The following GRHL2 variants were observed in gnomAD, a reference collection of about 807,000 sequenced individuals.
The protein encoded by GRHL2 is grainyhead-like protein 2 homolog.
GRHL2 carries 21 observed loss-of-function variants against 83.8 expected under a neutral mutation model. The ratio of observed to expected loss-of-function variants is 0.25; its 90% CI spans 0.18 to 0.36. The LOEUF (loss-of-function observed/expected upper bound fraction) is 0.36. Among genes scored for constraint, GRHL2 ranks in the 10% least tolerant of loss-of-function variants. The pLI is 1.00. For synonymous variants in GRHL2, 280 were observed against 278.9 expected (o/e 1.00, Z -0.04); for missense variants, 623 against 781.8 (o/e 0.80, Z 2.42).
intron 8 of GRHL2, among the ~76,000 whole-genome samples, chr8:101,610,759 GT>G (rs1182046930): frequency 6.6e-6 from 1 of 150,854 alleles, no homozygotes; most frequent in Non-Finnish European, 1.5e-5. Flanking sequence ...CTTGGCAGAT[GT>G]TTTTTTCTGT....
At chr8:101,648,684 C>T (rs1402110127) in intron 13 of GRHL2, among the ~76,000 whole-genome samples, 4 of 152,178 alleles carry the variant, frequency 2.6e-5, no homozygotes, top group Non-Finnish European at 5.9e-5. Context: ...CCCCTTGTCT[C>T]GGACAGTGCC....
At chr8:101,669,965 G>A (rs1433610977), downstream of GRHL2, among the ~76,000 whole-genome samples, 6 of 152,152 alleles carry the variant, frequency 3.9e-5, no homozygotes, top group African/African-American at 1.4e-4. Context: ...CCCCAGGGTG[G>A]TTATTCTTGG....
chr8:101,589,585 A>G lies in GRHL2; in HGVS notation c.1004-9472A>G, dbSNP rs1164529230. 2.0e-5 allele frequency among the ~76,000 whole-genome samples: 3 copies of G among 152,336 alleles called. No homozygotes were observed. The East Asian group carries it at 5.8e-4, about 29-fold the overall frequency. On this transcript the variant is annotated intron_variant, in intron 7 of 15. Transcript: ENST00000646743. The stretch of plus-strand genomic sequence containing the variant: ...ATACTCTGTGCTTATGGTCAGTACA[A>G]CTTGAAAGCTGTAACATTGTCTATA...
At chr8:101,556,176 C>T (rs760391061) in intron 3 of GRHL2, among the ~76,000 whole-genome samples, 62 of 152,234 alleles carry the variant, frequency 4.1e-4, no homozygotes, top group African/African-American at 1.3e-3. Flanking sequence ...AGGCTAGTCT[C>T]GAACTCCCGA....
downstream of GRHL2, among the ~76,000 whole-genome samples, chr8:101,671,154 G>C (rs576650311): frequency 1.6e-4 from 25 of 152,320 alleles, no homozygotes; most frequent in African/African-American, 5.8e-4. Context: ...TCTCACTAGG[G>C]AGTGCCAGAC....
chr8:101,623,961 GACAGTAC>G (rs1299458070), intron 9 of GRHL2, among the ~76,000 whole-genome samples: 3 of 136,652 alleles, frequency 2.2e-5, no homozygotes. Context: ...TACGCAGTAG[GACAGTAC>G]ACAGTACACA....
At chr8:101,570,212 A>T in intron 4 of GRHL2, 127 bp from the exon 5 acceptor site, 1 of 814,726 alleles carries the variant, frequency 1.2e-6, no homozygotes, top group Non-Finnish European at 2.1e-6. Flanking sequence ...GTAGTTGAAA[A>T]CATAATATCA....
At chr8:101,594,384 T>C (rs1812350815) in intron 7 of GRHL2, among the ~76,000 whole-genome samples, 1 of 152,228 alleles carries the variant, frequency 6.6e-6, no homozygotes. Context: ...TGAGAAACTT[T>C]CTTGAGGAAA....
chr8:101,661,016 T>A (rs556951432), intron 14 of GRHL2, among the ~76,000 whole-genome samples: 1 of 152,248 alleles, frequency 6.6e-6, no homozygotes, highest in Non-Finnish European at 1.5e-5. Context: ...GCAGTCCACA[T>A]AACCCTATGT....
At chr8:101,618,836 T>C (rs146629465) in intron 8 of GRHL2, among the ~76,000 whole-genome samples, 320 of 152,222 alleles carry the variant, frequency 2.1e-3, no homozygotes, top group African/African-American at 7.4e-3. Flanking sequence ...GAAGGTGTTA[T>C]CTGATTTTTT....
intron 12 of GRHL2, among the ~76,000 whole-genome samples, chr8:101,639,153 C>T (rs1813347514): frequency 6.6e-6 from 1 of 152,142 alleles, no homozygotes. Flanking sequence ...AGTTAGATGG[C>T]CATCGACCTA....
At position 101,543,327 on chromosome 8, in the gene GRHL2, G is replaced by C; in HGVS notation, c.107G>C (p.Trp36Ser). 6.2e-7 allele frequency: 1 copy of C among 1,614,118 alleles called. No individual in the cohort carries two copies. The highest frequency in any genetic ancestry group is 8.5e-7 in the Non-Finnish European group (1 of 1,179,986). ...GCCTACACCAGTGAGGATGAAGCCT[G>C]GAAGTCATACTTGGAGAATCCCCTG... The part of the protein sequence containing the change: ...RRAYTSEDEA[W>S]KSYLENPLTA... Residue 36 changes from tryptophan (W) to serine (S), a missense_variant, in exon 2 of 16, where the codon TGG becomes TCG. Around this residue, in one of 8 missense-constraint regions of GRHL2, gnomAD observed 11 missense variants for 46.1 expected, o/e 0.24. Transcript: ENST00000646743.
At chr8:101,497,448 T>C (rs970588451) in intron 1 of GRHL2, among the ~76,000 whole-genome samples, 3 of 152,240 alleles carry the variant, frequency 2.0e-5, no homozygotes, top group Admixed American at 2.0e-4. Flanking sequence ...TTAGTGAGTT[T>C]CCCATTTTCA....
chr8:101,499,746 CT>C (rs1405448006), intron 1 of GRHL2, among the ~76,000 whole-genome samples: 4 of 152,180 alleles, frequency 2.6e-5, no homozygotes, highest in Non-Finnish European at 4.4e-5. Context: ...TACTCTCTTC[CT>C]TTTAAAGAGG....
intron 9 of GRHL2, among the ~76,000 whole-genome samples, chr8:101,630,018 T>C (rs1456628191): frequency 6.6e-6 from 1 of 152,182 alleles, no homozygotes; most frequent in East Asian, 1.9e-4. Context: ...ATAAGTAAGA[T>C]AATTATTCCA....
intron 7 of GRHL2, among the ~76,000 whole-genome samples, chr8:101,592,662 C>T (rs1812311696): frequency 6.6e-6 from 1 of 152,152 alleles, no homozygotes; most frequent in Non-Finnish European, 1.5e-5. Context: ...CCAGGTGATT[C>T]TGGTGCACTG....
chr8:101,671,217 G>A (rs1051727591), downstream of GRHL2, among the ~76,000 whole-genome samples: 5 of 152,306 alleles, frequency 3.3e-5, no homozygotes, highest in East Asian at 1.9e-4. Flanking sequence ...GAAGCAGGGC[G>A]AGGCATTGCC....
chr8:101,674,562 A>G (rs1475595131), downstream of GRHL2, among the ~76,000 whole-genome samples: 1 of 152,218 alleles, frequency 6.6e-6, no homozygotes, highest in Non-Finnish European at 1.5e-5. Context: ...TGAGGCAGTA[A>G]TCAATAGCTT....
intron 1 of GRHL2, chr8:101,528,667 G>T: frequency 5.0e-6 from 1 of 201,184 alleles, no homozygotes; most frequent in Non-Finnish European, 1.0e-5. Flanking sequence ...TTTTCAGCAG[G>T]CAATCCCATA....
Sources: allele counts gnomAD v4.1 joint callset (sites outside exome capture counted in the v4.1 genomes callset), GRCh38; gene constraint gnomAD v4.1.1; regional missense constraint gnomAD v4.1.1; transcripts MANE v1.5; gene names NCBI Gene and HGNC (gene_info 2026-07-23, HGNC 2026-07-21).